Variants in ATP8A2 observed in about 807,000 individuals in gnomAD.
ATP8A2 encodes the protein ATPase phospholipid transporting 8A2, also known as phospholipid-transporting ATPase IB.
Under a neutral mutation model 165.6 loss-of-function variants are expected in ATP8A2, and 100 were observed. The observed-to-expected ratio is 0.60, with a 90% CI of 0.51 to 0.71. The LOEUF (loss-of-function observed/expected upper bound fraction) is 0.71. ATP8A2 is among the 30% of genes least tolerant of loss of function. The pLI, the probability that ATP8A2 is intolerant of heterozygous loss-of-function variation, is 0.00. For synonymous variants in ATP8A2, 543 were observed against 548.8 expected (o/e 0.99, Z 0.15); for missense variants, 1,227 against 1,479.5 (o/e 0.83, Z 2.80).
At chr13:25,899,088 G>A (rs942716567) in intron 33 of ATP8A2, among the ~76,000 whole-genome samples, 1 of 152,188 alleles carries the variant, frequency 6.6e-6, no homozygotes, top group Non-Finnish European at 1.5e-5. Flanking sequence ...TACCTCAGTT[G>A]GAAATGCAGA....
chr13:25,735,846 A>G (rs2043756297), intron 25 of ATP8A2, among the ~76,000 whole-genome samples: 1 of 152,206 alleles, frequency 6.6e-6, no homozygotes, highest in Admixed American at 6.5e-5. Context: ...TAGTATTTAT[A>G]AAGTCTACAG....
At chr13:25,460,174 C>T (rs188602131) in intron 1 of ATP8A2, among the ~76,000 whole-genome samples, 2 of 152,332 alleles carry the variant, frequency 1.3e-5, no homozygotes, top group East Asian at 3.9e-4. Context: ...GCACTCCAGC[C>T]TGGGCAACAG....
At chr13:25,672,445 T>C (rs1250652711) in intron 24 of ATP8A2, among the ~76,000 whole-genome samples, 3 of 152,002 alleles carry the variant, frequency 2.0e-5, no homozygotes, top group Non-Finnish European at 2.9e-5. Flanking sequence ...CCATTTCTCT[T>C]TGGGGTGGGA....
chr13:25,734,477 T>A (rs2043723569), intron 25 of ATP8A2, among the ~76,000 whole-genome samples: 1 of 152,214 alleles, frequency 6.6e-6, no homozygotes, highest in Non-Finnish European at 1.5e-5. Context: ...TAGTTTACAG[T>A]GCCTTTAGTG....
intron 23 of ATP8A2, among the ~76,000 whole-genome samples, chr13:25,586,193 T>C (rs1199740025): frequency 6.6e-6 from 1 of 152,126 alleles, no homozygotes; most frequent in African/African-American, 2.4e-5. Context: ...AAGCTGAAAA[T>C]CTGAGCACTT....
intron 33 of ATP8A2, among the ~76,000 whole-genome samples, chr13:25,916,341 G>A (rs1054476594): frequency 1.3e-5 from 2 of 152,342 alleles, no homozygotes; most frequent in Non-Finnish European, 1.5e-5. Flanking sequence ...CCAGAGAACT[G>A]TGTCGACGGT....
intron 25 of ATP8A2, among the ~76,000 whole-genome samples, chr13:25,729,457 C>T (rs1358119274): frequency 6.6e-6 from 1 of 152,174 alleles, no homozygotes; most frequent in African/African-American, 2.4e-5. Flanking sequence ...TAGGACAGGT[C>T]ATGATATTCC....
intron 25 of ATP8A2, among the ~76,000 whole-genome samples, chr13:25,736,291 T>C (rs2043767373): frequency 6.6e-6 from 1 of 152,102 alleles, no homozygotes; most frequent in African/African-American, 2.4e-5. Flanking sequence ...GGAGAGGCAG[T>C]GGGTTAAGAT....
intron 24 of ATP8A2, among the ~76,000 whole-genome samples, chr13:25,603,346 G>A (rs535137054): frequency 2.6e-5 from 4 of 151,718 alleles, no homozygotes; most frequent in African/African-American, 7.2e-5. Context: ...AAAAAATTTA[G>A]CCAGTGTGGT....
At chr13:25,469,700 G>C (rs1341829595) in intron 2 of ATP8A2, among the ~76,000 whole-genome samples, 2 of 152,200 alleles carry the variant, frequency 1.3e-5, no homozygotes, top group Non-Finnish European at 2.9e-5. Context: ...GGCTATAGCA[G>C]CTTAGTGAAT....
intron 2 of ATP8A2, among the ~76,000 whole-genome samples, chr13:25,486,376 T>A (rs2036353399): frequency 6.6e-6 from 1 of 151,712 alleles, no homozygotes; most frequent in Admixed American, 6.6e-5. Context: ...TAAACCATAG[T>A]ACTTTTTATA....
rs1173761468 is a variant in ATP8A2 at position 25,468,883 on chromosome 13, C to T, written c.77-94C>T. The T allele has an allele frequency of 1.4e-5, 22 of 1,558,336 alleles. No individual in the cohort carries two copies. In the Admixed American group the frequency reaches 2.5e-4, roughly 18 times the overall value. The stretch of plus-strand genomic sequence containing the variant: ...GCCTCACCCGAGCATCCTTCCCCGC[C>T]GGTGGCCGCCCGCCCGCGGCCCGCG... On this transcript the variant is annotated intron_variant, in intron 1 of 36. Coordinates refer to ENST00000381655, the MANE Select transcript of ATP8A2 (RefSeq NM_016529.6).
chr13:25,375,793 G>A (rs546282211), intron 1 of ATP8A2, among the ~76,000 whole-genome samples: 1 of 151,818 alleles, frequency 6.6e-6, no homozygotes, highest in Non-Finnish European at 1.5e-5. Flanking sequence ...GGATTGTCTC[G>A]ATCTCTTAAC....
chr13:25,743,888 A>G (rs2043970336), intron 25 of ATP8A2, among the ~76,000 whole-genome samples: 1 of 152,216 alleles, frequency 6.6e-6, no homozygotes, highest in South Asian at 2.1e-4. Flanking sequence ...CCATTGATTC[A>G]TTCATTAGTG....
At chr13:26,018,416 C>T (rs1404942845) in intron 36 of ATP8A2, among the ~76,000 whole-genome samples, 1 of 152,240 alleles carries the variant, frequency 6.6e-6, no homozygotes, top group African/African-American at 2.4e-5. Context: ...AATTAACAGG[C>T]AGTCCAGGAA....
intron 17 of ATP8A2, among the ~76,000 whole-genome samples, chr13:25,571,155 C>A (rs773306662): frequency 6.6e-6 from 1 of 152,186 alleles, no homozygotes; most frequent in African/African-American, 2.4e-5. Context: ...GAAGAAAGAA[C>A]AGAGCTGGCT....
chr13:25,702,071 A>G (rs1260144730), intron 25 of ATP8A2, among the ~76,000 whole-genome samples: 2 of 152,214 alleles, frequency 1.3e-5, no homozygotes, highest in East Asian at 3.9e-4. Context: ...CTTACTATTC[A>G]TTGAAAATTT....
chr13:25,902,972 C>CACACACACACACACACAT (rs1491360501), intron 33 of ATP8A2, among the ~76,000 whole-genome samples: 8 of 151,146 alleles, frequency 5.3e-5, no homozygotes, highest in Non-Finnish European at 8.9e-5. Flanking sequence ...CACACACACA[C>CACACACACACACACACAT]GTAAATGCAC....
At position 25,541,930 on chromosome 13, in the gene ATP8A2, C is replaced by T; in HGVS notation, c.663C>T (p.His221=). ...GTTTAATCTTTTAGGGTTTGAGTCA[C>T]ACTGCTGACATGCAAACACGTGAAG... ...TNLKIRQGLS[H]TADMQTREVL... Residue 221 remains histidine (H), a synonymous_variant, in exon 9 of 37, where the codon CAC becomes CAT. Transcript: ENST00000381655. 1.2e-6 allele frequency: 2 copies of T among 1,614,062 alleles called. No individual in the cohort carries two copies. Among genetic ancestry groups the T allele is most frequent in the Non-Finnish European group, 1.7e-6 (2 of 1,179,968 alleles).
Sources: allele counts gnomAD v4.1 joint callset (sites outside exome capture counted in the v4.1 genomes callset), GRCh38; gene constraint gnomAD v4.1.1; transcripts MANE v1.5; gene names NCBI Gene and HGNC (gene_info 2026-07-23, HGNC 2026-07-21).